Variants in NPHS1 observed in about 807,000 individuals in gnomAD.
NPHS1 encodes the protein NPHS1 adhesion molecule, nephrin.
A neutral mutation model predicts 139.7 loss-of-function variants in NPHS1; 107 were observed. The ratio of observed to expected loss-of-function variants is 0.77; its 90% confidence interval spans 0.66 to 0.90. NPHS1 has a LOEUF of 0.90. Ranked by LOEUF, NPHS1 falls within the 40% of genes least tolerant of loss-of-function variation. The pLI, the probability that NPHS1 is intolerant of heterozygous loss-of-function variation, is 0.00. For missense variants in NPHS1, 1,580 were observed against 1,654.2 expected (o/e 0.96, Z 0.78); for synonymous variants, 707 against 706.6 (o/e 1.00, Z -0.01).
Position 35,839,278 on chromosome 19 carries a change from C to T in NPHS1, c.3068G>A (p.Gly1023Glu). 2 of 1,614,220 alleles carry T rather than the reference C, an allele frequency of 1.2e-6. No homozygotes were observed. The highest frequency in any genetic ancestry group is 1.6e-4 in the Middle Eastern group (1 of 6,062). The change falls in exon 22 of 29, where the codon GGA becomes GAA. Residue 1023 changes from glycine (G) to glutamate (E), a missense_variant. Coordinates refer to ENST00000378910, the MANE Select transcript of NPHS1 (RefSeq NM_004646.4). ...LLASNALGDS[G>E]LADKGTQLPI... ...AAGCTGGGTCCCTTTGTCAGCCAGT[C>T]CACTGTCCCCCAAGGCATTACTGGC...
In NPHS1 at chr19:35,839,247, G is replaced by A. The variant is rs1973018363; in HGVS notation, c.3099C>T (p.Ile1033=). The change falls in exon 22 of 29, where the codon ATC becomes ATT. Residue 1033 remains isoleucine, a synonymous_variant. Coordinates refer to ENST00000378910, the MANE Select transcript of NPHS1 (RefSeq NM_004646.4). ...GLADKGTQLP[I]TTPGLHQPSG... ...AGCCTCCCTTCCCACCTGGGGTAGT[G>A]ATGGGAAGCTGGGTCCCTTTGTCAG... 1.9e-6 allele frequency: 3 copies of A among 1,614,196 alleles called. No homozygotes were observed. Among genetic ancestry groups the A allele is most frequent in the Non-Finnish European group, 2.5e-6 (3 of 1,180,030 alleles).
Position 35,845,438 on chromosome 19 carries a change from G to T in NPHS1, c.1860C>A (p.Arg620=). 6.2e-7 allele frequency: 1 copy of T among 1,614,182 alleles called. No individual in the cohort carries two copies. Among genetic ancestry groups the T allele is most frequent in the Non-Finnish European group, 8.5e-7 (1 of 1,180,038 alleles). ...CGGCGCTGTGGGCGCGGCAGGTCAC[G>T]CGCTGGCCATGATCGCGGGATGACA... ...LQVSSRDHGQ[R]VTCRAHSAEL... Residue 620 remains arginine, a synonymous_variant, in exon 14 of 29, where the codon CGC becomes CGA. Transcript: ENST00000378910. The surrounding 1 kb of genome is among the most constrained non-coding windows in gnomAD (Gnocchi z 5.5).
chr19:35,844,605 G>T (rs991525443), intron 14 of NPHS1, 146 bp from the exon 15 acceptor site: 118 of 809,792 alleles, frequency 1.5e-4, no homozygotes, highest in Non-Finnish European at 2.1e-4. Context: ...TCAGAGCTAA[G>T]CTCAGGGGTA....
chr19:35,844,383 G>C lies in NPHS1; in HGVS notation c.2007C>G (p.Ser669=), dbSNP rs1220717950. ...VEQGEALLPV[S]VSANPAPEAF... is the part of the protein sequence containing the mutation. ...CCTCGGGGGCGGGGTTAGCGGACAC[G>C]GACACGGGCAGCAACGCCTCGCCCT... Residue 669 remains serine, a synonymous_variant, in exon 15 of 29, where the codon TCC becomes TCG. Coordinates refer to ENST00000378910, the MANE Select transcript of NPHS1 (RefSeq NM_004646.4). The C allele has an allele frequency of 6.8e-6, 11 of 1,612,836 alleles. No homozygotes were observed. In the South Asian group the frequency reaches 7.7e-5, roughly 11 times the overall value.
In NPHS1 at chr19:35,846,157, T is replaced by A. The variant is rs764456736; in HGVS notation, c.1478A>T (p.Glu493Val). 6.3e-7 allele frequency: 1 copy of A among 1,596,162 alleles called. No individual in the cohort carries two copies. The highest frequency in any genetic ancestry group is 1.1e-5 in the South Asian group (1 of 88,354). ...GCTGCCGAGATGCACGCGCCGCGAC[T>A]CCTGCGGCAGCCGCGACTCGGTCAC... ...RTVTESRLPQ[E>V]SRRVHLGSVE... Residue 493 changes from glutamate to valine, a missense_variant, in exon 12 of 29, where the codon GAG becomes GTG. Transcript: ENST00000378910.
At chr19:35,839,729 C>T in intron 20 of NPHS1, 122 bp from the exon 21 acceptor site, 1 of 792,888 alleles carries the variant, frequency 1.3e-6, no homozygotes, top group Non-Finnish European at 2.1e-6. Context: ...ATAGCATACT[C>T]ATGTTCTGTA....
rs902170182 is a variant in NPHS1, at chr19:35,845,744, T to C, written c.1682A>G (p.Asp561Gly). ...GCTGACGCATGTCAAGTTTAAGGCGTCTCCCGGGCGCAGTGCGGATGCGTT... is the reference window on the plus strand; with the variant it reads ...GCTGACGCATGTCAAGTTTAAGGCGCCTCCCGGGCGCAGTGCGGATGCGTT... ...LANASALRPG[D>G]ALNLTCVSVS... The change falls in exon 13 of 29, where the codon GAC (aspartate) becomes GGC (glycine). Residue 561 changes from aspartate to glycine, a missense_variant. Coordinates refer to ENST00000378910, the MANE Select transcript of NPHS1 (RefSeq NM_004646.4). The surrounding 1 kb of genome is among the most constrained non-coding windows in gnomAD (Gnocchi z 5.5). 59 of 1,613,942 alleles carry C rather than the reference T, an allele frequency of 3.7e-5. No individual in the cohort carries two copies. The highest frequency in any genetic ancestry group is 4.8e-5 in the Non-Finnish European group (57 of 1,179,966).
intron 20 of NPHS1, 36 bp downstream of exon 20, chr19:35,841,679 C>G (rs1973057237): frequency 5.6e-6 from 9 of 1,611,340 alleles, no homozygotes; most frequent in East Asian, 2.2e-5. Flanking sequence ...ATCCAGGGAG[C>G]ACCCCCTCCC....
rs1973295223 is a variant in NPHS1 at position 35,852,493 on chromosome 19, G to A, written c.-656C>T. Among the ~76,000 whole-genome samples, 1 of 152,096 alleles carries A rather than the reference G, an allele frequency of 6.6e-6. No homozygotes were observed. The highest frequency in any genetic ancestry group is 6.5e-5 in the Admixed American group (1 of 15,274). On this transcript the variant is annotated 5_prime_UTR_variant, in exon 1 of 29. Transcript: ENST00000378910. ...TCAGCCCTGCTCTCTGACCCAGCTT[G>A]AGCTCATTCTCACAGTGCAACCTCC... is the stretch of plus-strand genomic sequence containing the variant.
At chr19:35,831,248 C>A in intron 26 of NPHS1, 48 bp downstream of exon 26, 2 of 1,607,908 alleles carry the variant, frequency 1.2e-6, no homozygotes, top group Non-Finnish European at 1.7e-6. Flanking sequence ...GGGCTTCAGT[C>A]GCCGTCGGTG....
Position 35,839,239 on chromosome 19 carries a change from G to A in NPHS1, c.3107C>T (p.Pro1036Leu), listed in dbSNP as rs1973018282. 1.6e-5 allele frequency: 26 copies of A among 1,613,974 alleles called. No individual in the cohort carries two copies. The highest frequency in any genetic ancestry group is 1.9e-5 in the Non-Finnish European group (23 of 1,179,844). ...DKGTQLPITT[P>L]GLHQPSGEPE... The stretch of plus-strand genomic sequence containing the variant: ...CCTGCCCAAGCCTCCCTTCCCACCT[G>A]GGGTAGTGATGGGAAGCTGGGTCCC... Residue 1036 changes from proline to leucine, a missense_variant and splice_region_variant, in exon 22 of 29, where the codon CCA becomes CTA. Transcript: ENST00000378910.
chr19:35,831,284 A>G lies in NPHS1; in HGVS notation c.3387+12T>C, dbSNP rs746207008. ...CCCTGATTGTGGGGTCACCAGGGCCACCCCCACTTACCGTGGAGCTCTGAG... is the reference window on the plus strand; with the variant it reads ...CCCTGATTGTGGGGTCACCAGGGCCGCCCCCACTTACCGTGGAGCTCTGAG... On this transcript the variant is annotated intron_variant, in intron 26 of 28. Transcript: ENST00000378910. The G allele has an allele frequency of 6.2e-7, 1 of 1,613,246 alleles. No homozygotes were observed. The highest frequency in any genetic ancestry group is 8.5e-7 in the Non-Finnish European group (1 of 1,179,610).
chr19:35,839,135 G>A, intron 22 of NPHS1, 102 bp downstream of exon 22: 1 of 1,112,678 alleles, frequency 9.0e-7, no homozygotes, highest in South Asian at 1.3e-5. Context: ...ACAGCTATAG[G>A]CCTCAGTAAC....
chr19:35,846,246 A>AC, intron 11 of NPHS1, 52 bp from the exon 12 acceptor site: 2 of 1,529,678 alleles, frequency 1.3e-6, no homozygotes, highest in South Asian at 1.2e-5. Context: ...GCTTCCACCA[A>AC]CCCCCAACCC....
intron 23 of NPHS1, among the ~76,000 whole-genome samples, chr19:35,832,748 G>A (rs1485357973): frequency 6.6e-6 from 1 of 151,172 alleles, no homozygotes; most frequent in Non-Finnish European, 1.5e-5. Flanking sequence ...TTAGCTGGGT[G>A]TGGTGGCAGG....
chr19:35,830,981 A>G (rs1240111253), intron 27 of NPHS1, 25 bp from the exon 28 acceptor site: 1 of 1,605,948 alleles, frequency 6.2e-7, no homozygotes, highest in East Asian at 2.2e-5. Flanking sequence ...GAAGGGAGAC[A>G]CGATCAAGGC....
intron 19 of NPHS1, 45 bp from the exon 20 acceptor site, chr19:35,841,911 C>A: frequency 1.9e-6 from 3 of 1,568,564 alleles, no homozygotes; most frequent in Non-Finnish European, 2.6e-6. Flanking sequence ...TTCACCCAAC[C>A]ACTTATGCTT....
intron 28 of NPHS1, among the ~76,000 whole-genome samples, chr19:35,830,376 C>T (rs1599835059): frequency 6.6e-6 from 1 of 152,202 alleles, no homozygotes. Context: ...TTGACTTGAG[C>T]AGGGCCACTC....
At chr19:35,837,496 C>T (rs1043921164) in intron 22 of NPHS1, among the ~76,000 whole-genome samples, 21 of 151,892 alleles carry the variant, frequency 1.4e-4, no homozygotes, top group Admixed American at 3.9e-4. Context: ...TTTCTGTTTT[C>T]TAATTCATTC....
Sources: allele counts gnomAD v4.1 joint callset (sites outside exome capture counted in the v4.1 genomes callset), GRCh38; gene constraint gnomAD v4.1.1; non-coding constraint Gnocchi (gnomAD v3.1); transcripts MANE v1.5; gene names NCBI Gene and HGNC (gene_info 2026-07-23, HGNC 2026-07-21).